Variants in PLEKHG5 observed in about 807,000 individuals in gnomAD.
PLEKHG5 encodes pleckstrin homology and RhoGEF domain containing G5, also known as pleckstrin homology domain-containing family G member 5.
PLEKHG5 carries 52 observed loss-of-function variants against 103.8 expected under a neutral mutation model. That is an observed-to-expected ratio of 0.50 (90% CI 0.40 to 0.63). The LOEUF (loss-of-function observed/expected upper bound fraction) is 0.63, where lower values mean the gene tolerates loss of function less well. Ranked by LOEUF, PLEKHG5 falls within the 30% of genes least tolerant of loss-of-function variation. The pLI is 0.00. For missense variants in PLEKHG5, 1,205 were observed against 1,347.6 expected (o/e 0.89, Z 1.66); for synonymous variants, 592 against 575.5 (o/e 1.03, Z -0.41).
chr1:6,508,451 G>A (rs1010938535), intron 1 of PLEKHG5, among the ~76,000 whole-genome samples: 11 of 152,150 alleles, frequency 7.2e-5, no homozygotes, highest in Non-Finnish European at 7.4e-5. Flanking sequence ...CCAGCCTCCC[G>A]ATGCAGGAAG....
rs201663755 is a variant in PLEKHG5 at position 6,475,037 on chromosome 1, C to A, written c.302+10G>T. ...GTCCCACTTCCACCCTGAGCCCCATCAAGCCCTACCCCAGTGACTTCTTCT... is the reference window on the plus strand; with the variant it reads ...GTCCCACTTCCACCCTGAGCCCCATAAAGCCCTACCCCAGTGACTTCTTCT... On this transcript the variant is annotated intron_variant, in intron 5 of 20. Transcript: ENST00000377728. The A allele has an allele frequency of 7.3e-5, 113 of 1,551,674 alleles. No homozygotes were observed. The Admixed American group carries it at 1.9e-3, about 26-fold the overall frequency.
rs550284712 is a variant in PLEKHG5 at position 6,519,032 on chromosome 1, C to T, written c.-165+413G>A. On this transcript the variant is annotated intron_variant, in intron 1 of 21. Coordinates refer to the PLEKHG5 transcript ENST00000377740. ...TAATTTTTTGTATTTTTAGTAGAGACGGGGTTTCACCGTGTTAACCAGGAT... is the reference window on the plus strand; with the variant it reads ...TAATTTTTTGTATTTTTAGTAGAGATGGGGTTTCACCGTGTTAACCAGGAT... 2.3e-4 allele frequency among the ~76,000 whole-genome samples: 35 copies of T among 152,262 alleles called. No homozygotes were observed. The East Asian group carries it at 5.0e-3, about 22-fold the overall frequency.
intron 1 of PLEKHG5, among the ~76,000 whole-genome samples, chr1:6,518,321 G>A (rs1246903065): frequency 4.0e-5 from 6 of 151,488 alleles, no homozygotes; most frequent in Non-Finnish European, 8.8e-5. Context: ...AGCACTTTGG[G>A]AGGCCGAGGC....
chr1:6,498,026 G>A (rs1645253548), upstream of PLEKHG5, among the ~76,000 whole-genome samples: 1 of 126,656 alleles, frequency 7.9e-6, no homozygotes, highest in Non-Finnish European at 1.6e-5. Context: ...CAAGGGCACC[G>A]CCGCCCTGAC....
rs915718361 is a variant in PLEKHG5, at chr1:6,490,331, G to T, written c.-88+1306C>A. 1 of 467,632 alleles carries T rather than the reference G, an allele frequency of 2.1e-6. No homozygotes were observed. The highest frequency in any genetic ancestry group is 2.8e-6 in the Non-Finnish European group (1 of 357,968). The allele number at this position is 467,632 out of a possible 1,614,324, so 29.0% of individuals were successfully genotyped here. On this transcript the variant is annotated intron_variant, in intron 1 of 20. Transcript: ENST00000377728. The surrounding 1 kb of genome is among the most constrained non-coding windows in gnomAD (Gnocchi z 8.0). ...GTGAGGACCCTGTACCCACCCACAG[G>T]CCTGGCACTACGTGGGAATCTCGAA...
chr1:6,519,773 A>G (rs1325739864), exon 1 of PLEKHG5: 14 of 583,536 alleles, frequency 2.4e-5, no homozygotes, highest in Non-Finnish European at 3.7e-5. Flanking sequence ...GAAGGCACAG[A>G]CTTCGCAGCC....
upstream of PLEKHG5, among the ~76,000 whole-genome samples, chr1:6,499,736 G>C (rs1224996456): frequency 6.6e-6 from 1 of 152,122 alleles, no homozygotes; most frequent in Non-Finnish European, 1.5e-5. Context: ...CCTGGTAAGG[G>C]GGACATACTG....
upstream of PLEKHG5, among the ~76,000 whole-genome samples, chr1:6,499,048 C>T (rs540826987): frequency 2.4e-4 from 36 of 152,330 alleles, no homozygotes; most frequent in Admixed American, 2.3e-3. Context: ...GGGAGTTTCC[C>T]ATGCGTCCAG....
At chr1:6,485,547 C>T in intron 1 of PLEKHG5, 1 of 1,139,330 alleles carries the variant, frequency 8.8e-7, no homozygotes, top group South Asian at 4.2e-5. Flanking sequence ...GCGCGGGGAC[C>T]CCGGGGAGGG....
At chr1:6,470,950 C>T (rs181693536) in intron 13 of PLEKHG5, 40 bp downstream of exon 13, 5 of 1,555,874 alleles carry the variant, frequency 3.2e-6, no homozygotes, top group Non-Finnish European at 3.5e-6. Flanking sequence ...TCCAGGGTCC[C>T]GTCCTCCTGC....
At chr1:6,476,122 T>C in intron 2 of PLEKHG5, 86 bp from the exon 3 acceptor site, 1 of 1,122,716 alleles carries the variant, frequency 8.9e-7, no homozygotes. Flanking sequence ...CACAGCCTGT[T>C]ACCCTGGAAC....
At chr1:6,474,293 C>A in intron 6 of PLEKHG5, 129 bp from the exon 7 acceptor site, 3 of 1,326,338 alleles carry the variant, frequency 2.3e-6, no homozygotes, top group East Asian at 5.0e-5. Context: ...GCCCTGCCAG[C>A]ACCCTCCCCT....
At chr1:6,496,056 C>A (rs1645219462), upstream of PLEKHG5, among the ~76,000 whole-genome samples, 1 of 152,248 alleles carries the variant, frequency 6.6e-6, no homozygotes, top group Non-Finnish European at 1.5e-5. Flanking sequence ...TCACACTCGC[C>A]AAGTCCCAAA....
chr1:6,506,448 A>C (rs949839501), intron 1 of PLEKHG5, among the ~76,000 whole-genome samples: 1 of 152,260 alleles, frequency 6.6e-6, no homozygotes. Context: ...CACCGAGGAG[A>C]CGGGCTGGCC....
At chr1:6,497,358 CG>C, upstream of PLEKHG5, 1 of 1,075,440 alleles carries the variant, frequency 9.3e-7, no homozygotes, top group Non-Finnish European at 1.2e-6. This position sits in a 1 kb window ranked among gnomAD's most constrained non-coding sequence, Gnocchi z 6.1. Flanking sequence ...GGGCGGGCGG[CG>C]GGCGGGGGCG....
rs1644404123 is a variant in PLEKHG5 at position 6,467,160 on chromosome 1, C to G, written c.*403G>C. ...AGTCTTTATAAAAGAACCAAAAGCT[C>G]AATAAATACGTAACTTCACAGAACC... On this transcript the variant is annotated 3_prime_UTR_variant, in exon 21 of 21. Coordinates refer to ENST00000377728, the MANE Select transcript of PLEKHG5 (RefSeq NM_020631.6). 2 of 370,316 alleles carry G rather than the reference C, an allele frequency of 5.4e-6. No homozygotes were observed. The highest frequency in any genetic ancestry group is 4.1e-5 in the Admixed American group (1 of 24,136). The allele number at this position is 370,316 out of a possible 1,614,324, so 22.9% of individuals were successfully genotyped here.
intron 1 of PLEKHG5, among the ~76,000 whole-genome samples, chr1:6,503,407 C>CTT (rs111752953): frequency 9.6e-5 from 12 of 125,564 alleles, no homozygotes; most frequent in East Asian, 2.4e-4. Flanking sequence ...ACAACCCTGT[C>CTT]TTTTTTTTTT....
intron 1 of PLEKHG5, chr1:6,506,206 T>C (rs955413779): frequency 6.6e-6 from 1 of 152,468 alleles, no homozygotes; most frequent in Non-Finnish European, 1.5e-5. Context: ...CCTCGGAGGC[T>C]GGGTGGCCTG....
Position 6,471,080 on chromosome 1 carries a change from G to A in PLEKHG5, c.1302C>T (p.Pro434=), listed in dbSNP as rs755428930. Residue 434 remains proline, a synonymous_variant, in exon 13 of 21, where the codon CCC becomes CCT. Transcript: ENST00000377728. ...GFKMFGSLFK[P]YIRYCMEEEG... ...CCTCCTCCATGCAGTAGCGGATGTAGGGCTTGAAGAGCGAGCCGAACTGGC... is the reference window on the plus strand; with the variant it reads ...CCTCCTCCATGCAGTAGCGGATGTAAGGCTTGAAGAGCGAGCCGAACTGGC... 38 of 1,591,774 alleles carry A rather than the reference G, an allele frequency of 2.4e-5. No individual in the cohort carries two copies. The Admixed American group carries it at 5.6e-4, about 23-fold the overall frequency.
Sources: allele counts gnomAD v4.1 joint callset (sites outside exome capture counted in the v4.1 genomes callset), GRCh38; gene constraint gnomAD v4.1.1; non-coding constraint Gnocchi (gnomAD v3.1); transcripts MANE v1.5; gene names NCBI Gene and HGNC (gene_info 2026-07-23, HGNC 2026-07-21).